Variants in CCDC30 observed in about 807,000 individuals in gnomAD.
CCDC30 encodes coiled-coil domain containing 30, also known as coiled-coil domain-containing protein 30.
In CCDC30, 70 loss-of-function variants were observed where a neutral mutation model predicts 100.2. The observed-to-expected ratio is 0.70, with a 90% CI of 0.58 to 0.85. The LOEUF is 0.85. Ranked by LOEUF, CCDC30 falls within the 40% of genes least tolerant of loss-of-function variation. CCDC30 has a pLI of 0.00. For missense variants in CCDC30, 652 were observed against 771.2 expected (o/e 0.85, Z 1.83); for synonymous variants, 233 against 269.5 (o/e 0.86, Z 1.33).
intron 10 of CCDC30, chr1:42,592,584 A>T (rs1376698745): frequency 6.6e-6 from 1 of 152,094 alleles, no homozygotes; most frequent in African/African-American, 2.4e-5. Flanking sequence ...GTGTTGGCAT[A>T]CACCTGTAGT....
chr1:42,622,550 T>G (rs988653726), intron 11 of CCDC30, among the ~76,000 whole-genome samples: 1 of 152,234 alleles, frequency 6.6e-6, no homozygotes, highest in Non-Finnish European at 1.5e-5. Flanking sequence ...CACTGCAAAC[T>G]CTGCCTCCCA....
At chr1:42,615,946 C>T (rs545848533) in intron 11 of CCDC30, among the ~76,000 whole-genome samples, 5 of 151,652 alleles carry the variant, frequency 3.3e-5, no homozygotes, top group African/African-American at 7.3e-5. Context: ...GATGGAGTCT[C>T]GCTCTGTCAC....
intron 6 of CCDC30, among the ~76,000 whole-genome samples, chr1:42,507,281 C>G (rs1423376453): frequency 6.6e-6 from 1 of 152,142 alleles, no homozygotes; most frequent in African/African-American, 2.4e-5. Flanking sequence ...ACCAATTTGA[C>G]CATGAGGTGA....
At chr1:42,456,676 G>A in the CCDC30 span, 1 of 1,604,562 alleles carries the variant, frequency 6.2e-7, no homozygotes. Context: ...GCCGGCGGGT[G>A]GTGTTGGTTA....
intron 6 of CCDC30, among the ~76,000 whole-genome samples, chr1:42,554,494 T>A (rs1254359037): frequency 1.3e-5 from 2 of 152,068 alleles, no homozygotes; most frequent in African/African-American, 4.8e-5. Context: ...ACCAGGCTGG[T>A]CTCGAACTCC....
chr1:42,473,324 A>C (rs1368172415), intron 1 of CCDC30: 1 of 1,185,276 alleles, frequency 8.4e-7, no homozygotes, highest in Non-Finnish European at 1.1e-6. Flanking sequence ...ATAGCATAGA[A>C]TTTTAAAGAC....
upstream of CCDC30, chr1:42,459,958 T>C: frequency 6.4e-7 from 1 of 1,554,198 alleles, no homozygotes; most frequent in Non-Finnish European, 8.7e-7. Flanking sequence ...CAAAAATTGT[T>C]CAGGGCTCTT....
In CCDC30 at chr1:42,527,980, C is replaced by T. The variant is rs187219111; in HGVS notation, c.456+29064C>T. Reference sequence around the variant, plus strand: ...TCCCGGGTTCAAGTGATTCTCCTGCCTCAGCCTCCCGAGTAGCTGGGATTA... The same window carrying T: ...TCCCGGGTTCAAGTGATTCTCCTGCTTCAGCCTCCCGAGTAGCTGGGATTA... On this transcript the variant is annotated intron_variant, in intron 6 of 16. Transcript: ENST00000668663. Among the ~76,000 whole-genome samples the T allele has an allele frequency of 5.9e-4, 90 of 152,252 alleles. 1 individual carries two copies. The highest frequency in any genetic ancestry group is 2.2e-3 in the African/African-American group (90 of 41,546).
intron 11 of CCDC30, among the ~76,000 whole-genome samples, chr1:42,628,452 G>A (rs1646972232): frequency 6.6e-6 from 1 of 152,140 alleles, no homozygotes; most frequent in Non-Finnish European, 1.5e-5. Flanking sequence ...GTTTTGAAAT[G>A]TGAGGACATG....
chr1:42,611,844 C>G (rs938812283), intron 11 of CCDC30, among the ~76,000 whole-genome samples: 1 of 152,026 alleles, frequency 6.6e-6, no homozygotes, highest in African/African-American at 2.4e-5. Flanking sequence ...ACCCAGCTCA[C>G]TTTTTAATTT....
intron 10 of CCDC30, among the ~76,000 whole-genome samples, chr1:42,602,979 A>C (rs1646433809): frequency 6.6e-6 from 1 of 152,264 alleles, no homozygotes; most frequent in Non-Finnish European, 1.5e-5. Context: ...ACATTTGAAA[A>C]TAAATTATGT....
intron 6 of CCDC30, among the ~76,000 whole-genome samples, chr1:42,500,603 C>G (rs929853427): frequency 4.0e-5 from 6 of 151,892 alleles, no homozygotes; most frequent in Non-Finnish European, 7.4e-5. Context: ...TTAGTAGAGA[C>G]AGGGTTTCAC....
At chr1:42,514,536 A>G (rs1644525968) in intron 6 of CCDC30, among the ~76,000 whole-genome samples, 1 of 152,158 alleles carries the variant, frequency 6.6e-6, no homozygotes, top group Non-Finnish European at 1.5e-5. Flanking sequence ...CCATTTGCAT[A>G]TCTTCTTTGG....
At chr1:42,456,278 G>A in the CCDC30 span, 4 of 597,658 alleles carry the variant, frequency 6.7e-6, no homozygotes, top group East Asian at 5.6e-5. Context: ...GGCCGGTAAG[G>A]GTCAAACATG....
At chr1:42,460,999 G>A (rs577990432), upstream of CCDC30, among the ~76,000 whole-genome samples, 1 of 152,158 alleles carries the variant, frequency 6.6e-6, no homozygotes. Flanking sequence ...CCTACGTTTT[G>A]GGTTTGGAGT....
chr1:42,530,032 A>C (rs967205262), intron 6 of CCDC30, among the ~76,000 whole-genome samples: 6 of 152,208 alleles, frequency 3.9e-5, no homozygotes, highest in African/African-American at 1.4e-4. Flanking sequence ...GTGCACCTAC[A>C]ACATACACAC....
chr1:42,533,555 A>G (rs145752115), intron 6 of CCDC30, among the ~76,000 whole-genome samples: 295 of 152,320 alleles, frequency 1.9e-3, no homozygotes, highest in African/African-American at 6.7e-3. Flanking sequence ...TTTCTACACC[A>G]TAACAACTCT....
rs938252822 is a variant in CCDC30, at chr1:42,568,767, T to C, written c.636+2292T>C. ...TAACATGGCGAAACCCCATCTCTAC[T>C]AAAAGTCCAAAAAAAAAAAAAAAGA... On this transcript the variant is annotated intron_variant, in intron 7 of 16. Coordinates refer to ENST00000668663, the Ensembl canonical transcript of CCDC30. 2.3e-5 allele frequency among the ~76,000 whole-genome samples: 3 copies of C among 129,808 alleles called. No individual in the cohort carries two copies. In the Admixed American group the frequency reaches 2.4e-4, roughly 10 times the overall value. The allele number at this position is 129,808 out of a possible 152,430, so 85.2% of individuals were successfully genotyped here.
chr1:42,483,522 G>C (rs12028961), intron 3 of CCDC30, among the ~76,000 whole-genome samples: 37,016 of 151,920 alleles, frequency 0.24, 4,890 homozygotes, highest in South Asian at 0.42. Context: ...TCAATACTTG[G>C]TACTGTCAGT....
Sources: gnomAD v4.1 joint callset for allele counts (sites outside exome capture counted in the v4.1 genomes callset) on GRCh38, gnomAD v4.1.1 for gene constraint, MANE v1.5 for transcripts, NCBI Gene and HGNC (gene_info 2026-07-23, HGNC 2026-07-21) for gene names.